The following AGTPBP1 variants were observed in gnomAD, a reference collection of about 807,000 sequenced individuals.
AGTPBP1 encodes the protein cytosolic carboxypeptidase 1.
In AGTPBP1, 70 loss-of-function variants were observed where a neutral mutation model predicts 143.9. That is an observed-to-expected ratio of 0.49 (90% CI 0.40 to 0.59). AGTPBP1 has a LOEUF of 0.59. AGTPBP1 is among the 20% of genes least tolerant of loss of function. AGTPBP1 has a pLI of 0.00. For synonymous variants in AGTPBP1, 463 were observed against 500.2 expected (o/e 0.93, Z 0.99); for missense variants, 1,229 against 1,464.5 (o/e 0.84, Z 2.62).
the AGTPBP1 span, among the ~76,000 whole-genome samples, chr9:85,798,359 G>C: frequency 9.9e-6 from 1 of 100,876 alleles, no homozygotes; most frequent in African/African-American, 4.2e-5. Flanking sequence ...TTTCCTCCAA[G>C]TTCTTTTTTT....
At chr9:85,802,521 A>T in the AGTPBP1 span, among the ~76,000 whole-genome samples, 2 of 152,000 alleles carry the variant, frequency 1.3e-5, no homozygotes, top group Non-Finnish European at 1.5e-5. Flanking sequence ...TGGAAACTTT[A>T]CCATGTTCTT....
chr9:85,640,469 A>C (rs1282162162), intron 13 of AGTPBP1, among the ~76,000 whole-genome samples: 1 of 152,264 alleles, frequency 6.6e-6, no homozygotes, highest in African/African-American at 2.4e-5. Context: ...ACTACTTGAA[A>C]TATCTGAAGC....
intron 1 of AGTPBP1, among the ~76,000 whole-genome samples, chr9:85,725,921 C>T (rs1010664604): frequency 2.6e-5 from 4 of 151,636 alleles, no homozygotes; most frequent in African/African-American, 4.8e-5. Flanking sequence ...TGGTGGCACA[C>T]GCCTGTAATC....
rs539493558 is a variant in AGTPBP1, at chr9:85,668,967, ATGTGTGTGTGTGTGTG to A, written c.662+502_662+517del. On this transcript the variant is annotated intron_variant, in intron 8 of 25. Transcript: ENST00000357081. The stretch of plus-strand genomic sequence containing the variant: ...TGAATAAAAATACATACATACATAC[ATGTGTGTGTGTGTGTG>A]TGTGTGTGTGTGTGTGTGTGTGTGT... 1.3e-4 allele frequency among the ~76,000 whole-genome samples: 15 copies of A among 114,438 alleles called. No homozygotes were observed. The East Asian group carries it at 2.0e-3, about 16-fold the overall frequency. 75.1% of individuals were successfully genotyped at this position (114,438 alleles called of 152,430 possible).
At position 85,596,454 on chromosome 9, in the gene AGTPBP1, G is replaced by T; in HGVS notation, c.2336-5C>A. ...AATACATGAGTGGTTGCATACCTTTGAAAGAGAGAAAAAAAGAGAGAAAAT... is the reference window on the plus strand; with the variant it reads ...AATACATGAGTGGTTGCATACCTTTTAAAGAGAGAAAAAAAGAGAGAAAAT... On this transcript the variant is annotated splice_polypyrimidine_tract_variant and splice_region_variant and intron_variant, in intron 17 of 25. Transcript: ENST00000357081. 1.3e-6 allele frequency: 2 copies of T among 1,538,368 alleles called. No individual in the cohort carries two copies. Among genetic ancestry groups the T allele is most frequent in the Non-Finnish European group, 8.8e-7 (1 of 1,140,626 alleles).
chr9:85,550,451 G>T (rs1825973750), intron 25 of AGTPBP1, among the ~76,000 whole-genome samples: 1 of 152,028 alleles, frequency 6.6e-6, no homozygotes, highest in Admixed American at 6.6e-5. Context: ...CCTTCTCAAT[G>T]GTAATCATGT....
At chr9:85,653,859 G>A (rs928125879) in intron 11 of AGTPBP1, among the ~76,000 whole-genome samples, 10 of 152,046 alleles carry the variant, frequency 6.6e-5, no homozygotes, top group Non-Finnish European at 1.0e-4. Flanking sequence ...AAAGTCTGTC[G>A]GTAATTTCAA....
the AGTPBP1 span, among the ~76,000 whole-genome samples, chr9:85,751,261 T>C: frequency 1.3e-5 from 2 of 152,250 alleles, no homozygotes; most frequent in Non-Finnish European, 2.9e-5. Context: ...TTACTTCCTT[T>C]CTATCAGTGC....
intron 14 of AGTPBP1, among the ~76,000 whole-genome samples, chr9:85,631,763 G>A (rs1048082227): frequency 1.3e-5 from 2 of 151,876 alleles, no homozygotes; most frequent in Non-Finnish European, 1.5e-5. Context: ...TTGTAACAAG[G>A]GTATACAATT....
the AGTPBP1 span, among the ~76,000 whole-genome samples, chr9:85,801,971 A>G: frequency 6.6e-6 from 1 of 152,184 alleles, no homozygotes; most frequent in Non-Finnish European, 1.5e-5. Context: ...ATAGATATAT[A>G]TAACTATGTG....
At chr9:85,685,767 T>G (rs1044784167) in intron 3 of AGTPBP1, among the ~76,000 whole-genome samples, 1 of 152,050 alleles carries the variant, frequency 6.6e-6, no homozygotes, top group African/African-American at 2.4e-5. Context: ...AAAACATACA[T>G]GACTTGATAA....
At chr9:85,761,939 C>G in the AGTPBP1 span, among the ~76,000 whole-genome samples, 1 of 151,840 alleles carries the variant, frequency 6.6e-6, no homozygotes, top group East Asian at 1.9e-4. Flanking sequence ...AAAAAAACAA[C>G]CCCATCAACA....
At chr9:85,760,913 A>T in the AGTPBP1 span, among the ~76,000 whole-genome samples, 1 of 152,228 alleles carries the variant, frequency 6.6e-6, no homozygotes, top group Non-Finnish European at 1.5e-5. Flanking sequence ...AAGCAACTTC[A>T]GCAAAGTCTC....
At chr9:85,557,135 A>C (rs943509175) in intron 25 of AGTPBP1, among the ~76,000 whole-genome samples, 16 of 152,224 alleles carry the variant, frequency 1.1e-4, no homozygotes, top group Non-Finnish European at 2.2e-4. Flanking sequence ...CAAAAATATA[A>C]ATAGCCATAA....
At chr9:85,750,964 T>A in the AGTPBP1 span, among the ~76,000 whole-genome samples, 8 of 152,224 alleles carry the variant, frequency 5.3e-5, no homozygotes, top group African/African-American at 1.4e-4. Flanking sequence ...TCAGGATCCA[T>A]GCCACTTGAG....
At chr9:85,682,650 G>A (rs1190011476) in intron 3 of AGTPBP1, among the ~76,000 whole-genome samples, 1 of 152,154 alleles carries the variant, frequency 6.6e-6, no homozygotes, top group Non-Finnish European at 1.5e-5. Context: ...ATTCCACAAT[G>A]AAGTTCAAAG....
At chr9:85,678,226 C>A in intron 5 of AGTPBP1, 109 bp downstream of exon 5, 1 of 650,104 alleles carries the variant, frequency 1.5e-6, no homozygotes. Flanking sequence ...AATTCCAATA[C>A]TCAGAATAGC....
intron 3 of AGTPBP1, among the ~76,000 whole-genome samples, chr9:85,689,890 C>G (rs1211577061): frequency 1.1e-5 from 1 of 92,518 alleles, no homozygotes; most frequent in East Asian, 3.2e-4. Flanking sequence ...GTGAGAGAGA[C>G]TCTGCCTCAA....
the AGTPBP1 span, among the ~76,000 whole-genome samples, chr9:85,798,571 T>A: frequency 6.6e-6 from 1 of 152,106 alleles, no homozygotes; most frequent in Admixed American, 6.6e-5. Flanking sequence ...TTTCACCATG[T>A]TGGCCAGGCT....
Sources: allele counts gnomAD v4.1 joint callset (sites outside exome capture counted in the v4.1 genomes callset), GRCh38; gene constraint gnomAD v4.1.1; transcripts MANE v1.5; gene names NCBI Gene and HGNC (gene_info 2026-07-23, HGNC 2026-07-21).